Variants in RABGAP1L observed in about 807,000 individuals in gnomAD.
The protein encoded by RABGAP1L is RAB GTPase activating protein 1 like.
Under a neutral mutation model 137.7 loss-of-function variants are expected in RABGAP1L, and 63 were observed. That is an observed-to-expected ratio of 0.46 (90% CI 0.37 to 0.56). RABGAP1L has a LOEUF of 0.56. Among genes scored for constraint, RABGAP1L ranks in the 20% least tolerant of loss-of-function variants. RABGAP1L has a pLI of 0.00. For missense variants in RABGAP1L, 1,095 were observed against 1,244.0 expected (o/e 0.88, Z 1.80); for synonymous variants, 431 against 433.7 (o/e 0.99, Z 0.08).
chr1:174,353,992 C>T (rs546874524), intron 11 of RABGAP1L, among the ~76,000 whole-genome samples: 54 of 152,306 alleles, frequency 3.5e-4, no homozygotes, highest in Non-Finnish European at 6.5e-4. Flanking sequence ...TGTGGTCTCA[C>T]TGTTACTTCC....
chr1:174,281,518 C>G (rs571643505), intron 10 of RABGAP1L, among the ~76,000 whole-genome samples: 2 of 152,184 alleles, frequency 1.3e-5, no homozygotes, highest in Admixed American at 1.3e-4. Context: ...AAGTCCCACC[C>G]GACCCAGAAG....
intron 18 of RABGAP1L, among the ~76,000 whole-genome samples, chr1:174,782,474 G>C (rs367585998): frequency 1.1e-4 from 16 of 152,272 alleles, no homozygotes; most frequent in African/African-American, 3.8e-4. Context: ...GGGCTGAGAC[G>C]ATGGGGTTTT....
intron 1 of RABGAP1L, among the ~76,000 whole-genome samples, chr1:174,199,945 C>T (rs1006033643): frequency 6.6e-6 from 1 of 152,122 alleles, no homozygotes; most frequent in Admixed American, 6.5e-5. Context: ...CATGATTACT[C>T]ATAGGAAACA....
rs189260216 is a variant in RABGAP1L at position 174,342,430 on chromosome 1, A to G, written c.1466-28549A>G. On this transcript the variant is annotated intron_variant, in intron 11 of 25. Transcript: ENST00000681986. ...TGAATTAGCTAACGTGATTCTCTGT[A>G]CTAATCTTAGTTTTTGACTGAGAAT... 2.6e-5 allele frequency among the ~76,000 whole-genome samples: 4 copies of G among 152,270 alleles called. No homozygotes were observed. In the East Asian group the frequency reaches 7.7e-4, roughly 29 times the overall value.
chr1:174,769,742 A>G (rs1474474050), intron 18 of RABGAP1L, among the ~76,000 whole-genome samples: 3 of 151,540 alleles, frequency 2.0e-5, no homozygotes, highest in African/African-American at 7.3e-5. Flanking sequence ...AGTCCCAGCG[A>G]CTCCAGAGGC....
At chr1:174,327,138 A>G (rs1680501688) in intron 11 of RABGAP1L, among the ~76,000 whole-genome samples, 1 of 152,200 alleles carries the variant, frequency 6.6e-6, no homozygotes, top group African/African-American at 2.4e-5. Flanking sequence ...AACCCACAGG[A>G]AAAAGTAAGT....
intron 1 of RABGAP1L, among the ~76,000 whole-genome samples, chr1:174,201,680 T>C (rs1261779417): frequency 6.6e-6 from 1 of 151,978 alleles, no homozygotes; most frequent in Non-Finnish European, 1.5e-5. Context: ...CTTTAAGTTT[T>C]AGGGTACATG....
chr1:174,660,033 A>G (rs1236371495), intron 14 of RABGAP1L, among the ~76,000 whole-genome samples: 2 of 152,210 alleles, frequency 1.3e-5, no homozygotes, highest in Non-Finnish European at 2.9e-5. Flanking sequence ...GAGGCACTGG[A>G]TGGAACAACA....
At chr1:174,839,760 A>G (rs1347177703) in intron 19 of RABGAP1L, among the ~76,000 whole-genome samples, 1 of 152,218 alleles carries the variant, frequency 6.6e-6, no homozygotes, top group Non-Finnish European at 1.5e-5. Flanking sequence ...TCTGTATATA[A>G]TAGGTGAAAC....
At chr1:174,756,864 C>G in intron 18 of RABGAP1L, 1 of 620,682 alleles carries the variant, frequency 1.6e-6, no homozygotes. Flanking sequence ...AAGAAGGTGT[C>G]ACACCACTCT....
chr1:174,195,288 T>C (rs1181682758), intron 1 of RABGAP1L, among the ~76,000 whole-genome samples: 1 of 152,224 alleles, frequency 6.6e-6, no homozygotes, highest in Non-Finnish European at 1.5e-5. Context: ...CCATTTCTCC[T>C]TTTTTCCTCT....
chr1:174,518,569 G>A (rs368293175), intron 13 of RABGAP1L, among the ~76,000 whole-genome samples: 16 of 152,256 alleles, frequency 1.1e-4, no homozygotes, highest in African/African-American at 3.9e-4. Flanking sequence ...CTATGGATTG[G>A]AGGGTAGATT....
At position 174,541,775 on chromosome 1, in the gene RABGAP1L, C is replaced by CA. The variant is rs766403369; in HGVS notation, c.1711-95587dup. 7.3e-3 allele frequency among the ~76,000 whole-genome samples: 987 copies of CA among 134,656 alleles called. 7 individuals carry two copies. The highest frequency in any genetic ancestry group is 9.7e-3 in the Non-Finnish European group (598 of 61,586). The allele number at this position is 134,656 out of a possible 152,430, so 88.3% of individuals were successfully genotyped here. A position where few individuals can be genotyped will look rare whatever the true frequency, so the allele number is the denominator to read the frequency against. On this transcript the variant is annotated intron_variant, in intron 13 of 25. Coordinates refer to ENST00000681986, the MANE Select transcript of RABGAP1L (RefSeq NM_001366446.1). ...TGGGTGACAGCACGAGACTCCGTCTCAAAAAAAAAAAAAGTTTTTAGCGTG... is the reference window on the plus strand; with the variant it reads ...TGGGTGACAGCACGAGACTCCGTCTCAAAAAAAAAAAAAAGTTTTTAGCGTG...
rs899294447 is a variant in RABGAP1L at position 174,394,036 on chromosome 1, T to G, written c.1601T>G (p.Leu534Arg). 6.8e-6 allele frequency: 11 copies of G among 1,613,834 alleles called. No homozygotes were observed. Among genetic ancestry groups the G allele is most frequent in the Admixed American group, 1.7e-5 (1 of 59,962 alleles). ...GCACGACCGAAAGGGCTGTCTACTCTGGTGAAGAGTGGTGTCCCTGAAGCA... is the reference window on the plus strand; with the variant it reads ...GCACGACCGAAAGGGCTGTCTACTCGGGTGAAGAGTGGTGTCCCTGAAGCA... ...LGARPKGLST[L>R]VKSGVPEALR... The change falls in exon 13 of 26, where the codon CTG (leucine) becomes CGG (arginine). Residue 534 changes from leucine (L) to arginine (R), a missense_variant. Coordinates refer to ENST00000681986, the MANE Select transcript of RABGAP1L (RefSeq NM_001366446.1).
intron 11 of RABGAP1L, among the ~76,000 whole-genome samples, chr1:174,328,970 C>T (rs997718433): frequency 2.9e-5 from 4 of 136,144 alleles, no homozygotes; most frequent in African/African-American, 8.6e-5. Flanking sequence ...ACTAGGAAAA[C>T]AAAATTGAGG....
At chr1:174,313,556 A>C (rs1469021122) in intron 11 of RABGAP1L, among the ~76,000 whole-genome samples, 1 of 152,190 alleles carries the variant, frequency 6.6e-6, no homozygotes, top group Non-Finnish European at 1.5e-5. Flanking sequence ...ATATTGAATA[A>C]CAGTGGTGAT....
At chr1:174,796,445 CT>C (rs554499559) in intron 18 of RABGAP1L, among the ~76,000 whole-genome samples, 107 of 152,250 alleles carry the variant, frequency 7.0e-4, no homozygotes, top group South Asian at 4.6e-3. Flanking sequence ...CCTAGAATCT[CT>C]TTTTTCATTT....
chr1:174,339,040 ATACTT>A (rs1346813468), intron 11 of RABGAP1L, among the ~76,000 whole-genome samples: 1 of 152,182 alleles, frequency 6.6e-6, no homozygotes, highest in Non-Finnish European at 1.5e-5. Flanking sequence ...CTGTATGACT[ATACTT>A]TTCTTGTGTA....
At position 174,221,113 on chromosome 1, in the gene RABGAP1L, A is replaced by T; in HGVS notation, c.280A>T (p.Ser94Cys). 1 of 1,613,624 alleles carries T rather than the reference A, an allele frequency of 6.2e-7. No individual in the cohort carries two copies. Among genetic ancestry groups the T allele is most frequent in the South Asian group, 1.1e-5 (1 of 91,014 alleles). The change falls in exon 3 of 26, where the codon AGC becomes TGC. Residue 94 changes from serine (S) to cysteine (C), a missense_variant. By Grantham distance (112) the Ser-to-Cys change is moderately radical (BLOSUM62 -1). Around this residue, in one of 4 missense-constraint regions of RABGAP1L, gnomAD observed 356 missense variants for 326.3 expected, o/e 1.09. Coordinates refer to ENST00000681986, the MANE Select transcript of RABGAP1L (RefSeq NM_001366446.1). ...SDHSFGDIPA[S>C]QTNKPSLQLI... ...CCATTCGTTTGGAGATATTCCAGCC[A>T]GCCAAACAAATAAGCCATCTCTTCA...
Sources: gnomAD v4.1 joint callset for allele counts (sites outside exome capture counted in the v4.1 genomes callset) on GRCh38, gnomAD v4.1.1 for gene constraint, gnomAD v4.1.1 regional missense constraint, MANE v1.5 for transcripts, NCBI Gene and HGNC (gene_info 2026-07-23, HGNC 2026-07-21) for gene names.